Variants in DLAT observed in about 807,000 individuals in gnomAD.
The protein encoded by DLAT is dihydrolipoyllysine-residue acetyltransferase component of pyruvate dehydrogenase complex, mitochondrial.
A neutral mutation model predicts 68.0 loss-of-function variants in DLAT; 43 were observed. The observed-to-expected ratio is 0.63, with a 90% CI of 0.50 to 0.81. The LOEUF (loss-of-function observed/expected upper bound fraction) is 0.81. DLAT is among the 40% of genes least tolerant of loss of function. The pLI is 0.00. For missense variants in DLAT, 745 were observed against 815.4 expected, an observed-to-expected ratio of 0.91 and a Z score of 1.05; for synonymous variants, 265 against 288.6, an observed-to-expected ratio of 0.92 and a Z score of 0.83.
chr11:112,031,842 A>G (rs1862415426), intron 4 of DLAT, among the ~76,000 whole-genome samples: 1 of 142,492 alleles, frequency 7.0e-6, no homozygotes, highest in African/African-American at 2.6e-5. Flanking sequence ...AGCCTACCAA[A>G]ATGCTGAGAT....
At chr11:112,036,201 G>GTTTTTTGTTTT (rs1862755018) in intron 5 of DLAT, among the ~76,000 whole-genome samples, 1 of 36,474 alleles carries the variant, frequency 2.7e-5, no homozygotes, top group African/African-American at 9.0e-5. Flanking sequence ...GTGTGTGTGT[G>GTTTTTTGTTTT]TTTTTTTTTT....
Position 112,025,732 on chromosome 11 carries a change from G to A in DLAT, c.260G>A (p.Ser87Asn), listed in dbSNP as rs1163908579. Residue 87 changes from serine (S) to asparagine (N), a missense_variant, in exon 1 of 14, where the codon AGT (serine) becomes AAT (asparagine). Transcript: ENST00000280346. ...GGGTCGCCCGGCCGCCGCTATTACA[G>A]TCTTCCCCCGCATCAGAAGGTGAGC... Reference protein sequence around the residue: ...LLGSPGRRYYSLPPHQKVPLP... With the variant: ...LLGSPGRRYYNLPPHQKVPLP... 6.2e-7 allele frequency: 1 copy of A among 1,613,214 alleles called. No individual in the cohort carries two copies. The highest frequency in any genetic ancestry group is 1.7e-5 in the Admixed American group (1 of 60,010).
At position 112,063,226 on chromosome 11, in the gene DLAT, G is replaced by C. The variant is rs1223788566; in HGVS notation, c.*691G>C. The C allele has an allele frequency of 2.6e-5, 4 of 152,232 alleles. No homozygotes were observed. Among genetic ancestry groups the C allele is most frequent in the South Asian group, 2.1e-4 (1 of 4,830 alleles). 9.4% of individuals were successfully genotyped at this position (152,232 alleles called of 1,614,324 possible). On this transcript the variant is annotated 3_prime_UTR_variant, in exon 14 of 14. Coordinates refer to ENST00000280346, the MANE Select transcript of DLAT (RefSeq NM_001931.5). ...CTACTTGATGTAACTGAGAATTTGT[G>C]TGGATATTTATTTAAACAAATGTGT...
At chr11:112,036,210 T>TG (rs1862761795) in intron 5 of DLAT, among the ~76,000 whole-genome samples, 1 of 55,540 alleles carries the variant, frequency 1.8e-5, no homozygotes, top group Non-Finnish European at 3.9e-5. Context: ...TGTTTTTTTT[T>TG]TTTTTTTTTT....
Position 112,025,722 on chromosome 11 carries a change from CGCT to C in DLAT, c.251_253del (p.Arg84_Tyr85delinsHis), listed in dbSNP as rs781841888. On this transcript the variant is annotated inframe_deletion, in exon 1 of 14. Coordinates refer to ENST00000280346, the MANE Select transcript of DLAT (RefSeq NM_001931.5). ...GCAGCTTTTGGGGTCGCCCGGCCGC[CGCT>C]ATTACAGTCTTCCCCCGCATCAGAA... 42 of 1,613,148 alleles carry C rather than the reference CGCT, an allele frequency of 2.6e-5. No individual in the cohort carries two copies. Among genetic ancestry groups the C allele is most frequent in the Admixed American group, 3.3e-5 (2 of 60,002 alleles).
chr11:112,031,241 C>G (rs1862376758), intron 4 of DLAT, among the ~76,000 whole-genome samples: 1 of 152,018 alleles, frequency 6.6e-6, no homozygotes, highest in Non-Finnish European at 1.5e-5. Context: ...AATCCTGTTG[C>G]TAATCAGATA....
intron 11 of DLAT, among the ~76,000 whole-genome samples, chr11:112,057,542 T>G (rs1399806196): frequency 6.6e-6 from 1 of 152,108 alleles, no homozygotes; most frequent in Non-Finnish European, 1.5e-5. Context: ...CGGAGAAAGT[T>G]TTGAGTGGTC....
chr11:112,059,032 CAGA>C (rs1183084004), intron 11 of DLAT, among the ~76,000 whole-genome samples: 2 of 150,926 alleles, frequency 1.3e-5, no homozygotes, highest in African/African-American at 4.9e-5. Context: ...TCCTTGATAA[CAGA>C]AGATCTGATA....
intron 7 of DLAT, among the ~76,000 whole-genome samples, chr11:112,042,759 A>G (rs77407776): frequency 0.012 from 1,781 of 152,314 alleles, 22 homozygotes; most frequent in African/African-American, 0.04. Context: ...AACTTTGAAG[A>G]TCCTTCCTCA....
At chr11:112,047,257 GTCT>G (rs1555181574) in intron 10 of DLAT, among the ~76,000 whole-genome samples, 1 of 152,146 alleles carries the variant, frequency 6.6e-6, no homozygotes, top group African/African-American at 2.4e-5. Flanking sequence ...CCACATAAAT[GTCT>G]TCTTTTGAGA....
At chr11:112,048,644 G>A (rs141982066) in intron 10 of DLAT, among the ~76,000 whole-genome samples, 6 of 151,836 alleles carry the variant, frequency 4.0e-5, no homozygotes, top group East Asian at 1.9e-4. Flanking sequence ...AGCAATTCTC[G>A]TCCCTCAGCC....
rs199835215 is a variant in DLAT at position 112,037,313 on chromosome 11, G to C, written c.828G>C (p.Leu276=). ...AAGAAGGTTATCTGGCAAAAATCCT[G>C]GTCCCTGAAGGCACAAGAGATGTCC... ...VQEEGYLAKI[L]VPEGTRDVPL... is the part of the protein sequence containing the mutation. Residue 276 remains leucine, a synonymous_variant, in exon 6 of 14, where the codon CTG becomes CTC. Coordinates refer to ENST00000280346, the MANE Select transcript of DLAT (RefSeq NM_001931.5). 1.9e-6 allele frequency: 3 copies of C among 1,613,984 alleles called. No individual in the cohort carries two copies. Among genetic ancestry groups the C allele is most frequent in the South Asian group, 2.2e-5 (2 of 91,078 alleles).
intron 11 of DLAT, among the ~76,000 whole-genome samples, chr11:112,059,088 G>A (rs1316582319): frequency 2.7e-5 from 4 of 150,190 alleles, no homozygotes; most frequent in South Asian, 4.2e-4. Flanking sequence ...TTACTTTTAC[G>A]TTCTTCTGAG....
intron 5 of DLAT, among the ~76,000 whole-genome samples, chr11:112,035,486 C>A (rs1350479738): frequency 6.6e-6 from 1 of 151,420 alleles, no homozygotes; most frequent in Non-Finnish European, 1.5e-5. Context: ...TCATTTTAAA[C>A]ACTTCTTTTT....
At position 112,063,855 on chromosome 11, in the gene DLAT, G is replaced by T; in HGVS notation, c.*1320G>T. ...TTAATATTTATGTGTTTTAATAAAC[G>T]TTTGAAATTATTTATGACTACTTAA... On this transcript the variant is annotated 3_prime_UTR_variant, in exon 14 of 14. Coordinates refer to ENST00000280346, the MANE Select transcript of DLAT (RefSeq NM_001931.5). 6.9e-5 allele frequency: 14 copies of T among 203,630 alleles called. No individual in the cohort carries two copies. Among genetic ancestry groups the T allele is most frequent in the Admixed American group, 1.2e-4 (2 of 17,022 alleles). The allele number at this position is 203,630 out of a possible 1,614,324, so 12.6% of individuals were successfully genotyped here. A position where few individuals can be genotyped will look rare whatever the true frequency, so the allele number is the denominator to read the frequency against.
intron 5 of DLAT, among the ~76,000 whole-genome samples, chr11:112,036,201 GTTT>G (rs1167345612): frequency 1.4e-4 from 5 of 36,480 alleles, no homozygotes; most frequent in African/African-American, 4.5e-4. Context: ...GTGTGTGTGT[GTTT>G]TTTTTTTTTT....
At chr11:112,059,057 A>T (rs1442869305) in intron 11 of DLAT, among the ~76,000 whole-genome samples, 1 of 152,080 alleles carries the variant, frequency 6.6e-6, no homozygotes, top group African/African-American at 2.4e-5. Flanking sequence ...TGTGTAAAAA[A>T]AAAAAAAAGA....
intron 10 of DLAT, among the ~76,000 whole-genome samples, chr11:112,049,165 G>A (rs1264811047): frequency 6.6e-6 from 1 of 151,924 alleles, no homozygotes; most frequent in Non-Finnish European, 1.5e-5. Flanking sequence ...ATTTTTAGTA[G>A]AGACGGGGTT....
At chr11:112,059,025 T>C (rs587735348) in intron 11 of DLAT, among the ~76,000 whole-genome samples, 1 of 152,092 alleles carries the variant, frequency 6.6e-6, no homozygotes, top group East Asian at 1.9e-4. Flanking sequence ...TTGGGACTCC[T>C]TGATAACAGA....
Sources: gnomAD v4.1 joint callset for allele counts (sites outside exome capture counted in the v4.1 genomes callset) on GRCh38, gnomAD v4.1.1 for gene constraint, MANE v1.5 for transcripts, NCBI Gene and HGNC (gene_info 2026-07-23, HGNC 2026-07-21) for gene names.